Variants in FBXO34 observed in about 807,000 individuals in gnomAD.
FBXO34 encodes F-box only protein 34.
In FBXO34, 12 loss-of-function variants were observed where a neutral mutation model predicts 24.5. The observed-to-expected ratio is 0.49, with a 90% CI of 0.31 to 0.79. FBXO34 has a LOEUF of 0.79. Among genes scored for constraint, FBXO34 ranks in the 30% least tolerant of loss-of-function variants. FBXO34 has a pLI of 0.04. For missense variants in FBXO34, 823 were observed against 857.7 expected, an observed-to-expected ratio of 0.96 and a Z score of 0.51; for synonymous variants, 320 against 311.9, an observed-to-expected ratio of 1.03 and a Z score of -0.27.
At chr14:55,415,186 A>AGC in the FBXO34 span, among the ~76,000 whole-genome samples, 8 of 152,248 alleles carry the variant, frequency 5.3e-5, no homozygotes, top group Non-Finnish European at 1.2e-4. Flanking sequence ...TTATATTTAT[A>AGC]TGGAGCTTCA....
At chr14:55,311,027 CA>C (rs557258979) in intron 1 of FBXO34, among the ~76,000 whole-genome samples, 11 of 151,982 alleles carry the variant, frequency 7.2e-5, no homozygotes, top group Non-Finnish European at 8.8e-5. Context: ...CAATATACTG[CA>C]TGTTGCAATT....
Position 55,284,511 on chromosome 14 carries a change from TC to T in FBXO34, c.-11+12976del, listed in dbSNP as rs1364450252. ...TGGGCAACAAGAGTGAACCTCTGTC[TC>T]CAAAAAAAAAAAAAAAAAAAGTGAA... is the stretch of plus-strand genomic sequence containing the variant. On this transcript the variant is annotated intron_variant, in intron 1 of 1. Transcript: ENST00000313833. 7.6e-3 allele frequency among the ~76,000 whole-genome samples: 649 copies of T among 85,822 alleles called. 17 individuals are homozygous for T. The highest frequency in any genetic ancestry group is 0.013 in the Middle Eastern group (2 of 160). 56.3% of individuals were successfully genotyped at this position (85,822 alleles called of 152,430 possible).
chr14:55,413,816 CA>C, the FBXO34 span: 1 of 377,130 alleles, frequency 2.7e-6, no homozygotes, highest in Non-Finnish European at 5.1e-6. Flanking sequence ...ATTCTCTTGG[CA>C]AAAATCTTGC....
chr14:55,415,153 T>G, the FBXO34 span, among the ~76,000 whole-genome samples: 1 of 152,228 alleles, frequency 6.6e-6, no homozygotes, highest in Non-Finnish European at 1.5e-5. Flanking sequence ...CACGTTGTGC[T>G]AAGGGTCATG....
At chr14:55,307,929 T>G (rs139089704) in intron 1 of FBXO34, among the ~76,000 whole-genome samples, 4 of 152,318 alleles carry the variant, frequency 2.6e-5, no homozygotes, top group African/African-American at 9.6e-5. Context: ...TCACCTTGAA[T>G]TGTAATAATC....
the FBXO34 span, among the ~76,000 whole-genome samples, chr14:55,433,175 C>G: frequency 6.6e-5 from 10 of 152,100 alleles, no homozygotes; most frequent in Non-Finnish European, 1.3e-4. Context: ...GTAACTCAGA[C>G]TGGACTGCAG....
At chr14:55,386,059 C>G in the FBXO34 span, 2 of 1,612,088 alleles carry the variant, frequency 1.2e-6, no homozygotes, top group East Asian at 2.2e-5. Context: ...TGTAAAGCTT[C>G]TGATTCTTTT....
At chr14:55,431,886 A>C in the FBXO34 span, among the ~76,000 whole-genome samples, 1 of 152,252 alleles carries the variant, frequency 6.6e-6, no homozygotes, top group African/African-American at 2.4e-5. Flanking sequence ...ATTGCATTAA[A>C]CAGTGCAGAT....
intron 1 of FBXO34, among the ~76,000 whole-genome samples, chr14:55,333,587 GT>G (rs1883672049): frequency 6.6e-6 from 1 of 152,120 alleles, no homozygotes; most frequent in Non-Finnish European, 1.5e-5. Flanking sequence ...ACAGGATATA[GT>G]TTAATTATGT....
chr14:55,284,212 C>G (rs1291754636), intron 1 of FBXO34, among the ~76,000 whole-genome samples: 1 of 151,916 alleles, frequency 6.6e-6, no homozygotes, highest in Non-Finnish European at 1.5e-5. Flanking sequence ...TTTTTTTACA[C>G]TTAAAAATTA....
At chr14:55,442,382 C>G in the FBXO34 span, among the ~76,000 whole-genome samples, 12,788 of 109,184 alleles carry the variant, frequency 0.12, 567 homozygotes, top group African/African-American at 0.16. Flanking sequence ...GAATGAGACT[C>G]TGTCTCAAAA....
chr14:55,428,709 TAATCACAA>T, the FBXO34 span: 1 of 1,306,254 alleles, frequency 7.7e-7, no homozygotes. Flanking sequence ...TTTTTTTTTT[TAATCACAA>T]TTTCTCTGAA....
At chr14:55,383,713 T>C in the FBXO34 span, among the ~76,000 whole-genome samples, 1 of 151,922 alleles carries the variant, frequency 6.6e-6, no homozygotes, top group East Asian at 1.9e-4. Flanking sequence ...GCTATAATCA[T>C]ACCATTGCAC....
the FBXO34 span, among the ~76,000 whole-genome samples, chr14:55,408,316 G>A: frequency 0.057 from 8,647 of 152,196 alleles, 322 homozygotes; most frequent in South Asian, 0.083. Flanking sequence ...CTAGTTAGGC[G>A]TGTTGATGTG....
At chr14:55,347,372 C>T (rs1884193930) in intron 1 of FBXO34, among the ~76,000 whole-genome samples, 1 of 152,164 alleles carries the variant, frequency 6.6e-6, no homozygotes, top group Non-Finnish European at 1.5e-5. Flanking sequence ...ATTATATCCT[C>T]TCAGGCCATC....
intron 1 of FBXO34, among the ~76,000 whole-genome samples, chr14:55,323,462 G>T: frequency 6.6e-6 from 1 of 150,718 alleles, no homozygotes; most frequent in Non-Finnish European, 1.5e-5. Flanking sequence ...GGCTCACTGC[G>T]GTCTTCGAGT....
At chr14:55,438,195 T>C in the FBXO34 span, among the ~76,000 whole-genome samples, 1 of 152,210 alleles carries the variant, frequency 6.6e-6, no homozygotes, top group Admixed American at 6.5e-5. Context: ...CCGTGTTGCA[T>C]CTTCTCAGTG....
chr14:55,295,364 C>T (rs182643260), intron 1 of FBXO34, among the ~76,000 whole-genome samples: 173 of 144,272 alleles, frequency 1.2e-3, no homozygotes, highest in Non-Finnish European at 1.1e-3. Context: ...TATAATGGCT[C>T]TATGAGGTAA....
At chr14:55,408,450 C>G in the FBXO34 span, among the ~76,000 whole-genome samples, 1 of 151,896 alleles carries the variant, frequency 6.6e-6, no homozygotes, top group Non-Finnish European at 1.5e-5. Context: ...GAGACCCTGT[C>G]CCCTCCCCCC....
Sources: gnomAD v4.1 joint callset for allele counts (sites outside exome capture counted in the v4.1 genomes callset) on GRCh38, gnomAD v4.1.1 for gene constraint, MANE v1.5 for transcripts, NCBI Gene and HGNC (gene_info 2026-07-23, HGNC 2026-07-21) for gene names.